Variants in SSBP3 observed in about 807,000 individuals in gnomAD.
SSBP3 encodes single-stranded DNA-binding protein 3.
In SSBP3, 5 loss-of-function variants were observed where a neutral mutation model predicts 69.6. The observed-to-expected ratio is 0.07, with a 90% CI of 0.04 to 0.15. The LOEUF (loss-of-function observed/expected upper bound fraction) is 0.15, where lower values mean the gene tolerates loss of function less well. SSBP3 is among the 10% of genes least tolerant of loss of function. The pLI, the probability that SSBP3 is intolerant of heterozygous loss-of-function variation, is 1.00. For missense variants in SSBP3, 312 were observed against 534.0 expected (o/e 0.58, Z 4.10); for synonymous variants, 196 against 193.4 (o/e 1.01, Z -0.11).
chr1:54,227,143 C>T (rs144624285), exon 18 of SSBP3: 13 of 1,570,448 alleles, frequency 8.3e-6, no homozygotes, highest in Middle Eastern at 1.8e-4. Flanking sequence ...ACACACTCAT[C>T]GTCATGCTTG....
chr1:54,320,620 C>G (rs1646194525), intron 4 of SSBP3, among the ~76,000 whole-genome samples: 1 of 152,112 alleles, frequency 6.6e-6, no homozygotes, highest in Non-Finnish European at 1.5e-5. Context: ...TGCTCGCCCA[C>G]CAGAAAAGTT....
intron 4 of SSBP3, among the ~76,000 whole-genome samples, chr1:54,347,289 C>T (rs895144749): frequency 5.9e-5 from 9 of 151,380 alleles, no homozygotes; most frequent in African/African-American, 2.2e-4. Context: ...TTTAAATCAT[C>T]TCTGGGTTAC....
chr1:54,406,233 C>T, exon 1 of SSBP3: 1 of 388,516 alleles, frequency 2.6e-6, no homozygotes, highest in Non-Finnish European at 4.5e-6. Flanking sequence ...GCCCCATCGC[C>T]CTGGAACTCC....
At chr1:54,231,897 T>C (rs946164255) in intron 14 of SSBP3, among the ~76,000 whole-genome samples, 5 of 152,086 alleles carry the variant, frequency 3.3e-5, no homozygotes, top group South Asian at 4.1e-4. Context: ...TTTCACCACA[T>C]TGGCCAAGCT....
intron 4 of SSBP3, among the ~76,000 whole-genome samples, chr1:54,369,084 A>G (rs1301909595): frequency 6.6e-6 from 1 of 152,220 alleles, no homozygotes; most frequent in African/African-American, 2.4e-5. Context: ...TCATTTAAAG[A>G]AAAGCTCTTT....
chr1:54,260,935 A>G (rs1338935674), intron 5 of SSBP3, among the ~76,000 whole-genome samples: 4 of 152,200 alleles, frequency 2.6e-5, no homozygotes, highest in African/African-American at 9.6e-5. Flanking sequence ...CCACCTCCTC[A>G]GGGCACAGAG....
intron 5 of SSBP3, among the ~76,000 whole-genome samples, chr1:54,276,920 C>A (rs1053460321): frequency 6.6e-6 from 1 of 152,158 alleles, no homozygotes. Context: ...TCCAGGAATG[C>A]CCTCCTGATT....
chr1:54,267,769 T>G (rs1451120476), intron 5 of SSBP3, among the ~76,000 whole-genome samples: 1 of 152,200 alleles, frequency 6.6e-6, no homozygotes, highest in Non-Finnish European at 1.5e-5. Flanking sequence ...ATTCTGTTCC[T>G]TTCCAAAGAT....
intron 4 of SSBP3, among the ~76,000 whole-genome samples, chr1:54,290,628 G>A (rs1645587449): frequency 6.6e-6 from 1 of 152,214 alleles, no homozygotes; most frequent in African/African-American, 2.4e-5. Context: ...CTGGGGACTG[G>A]ATCAAAGGTC....
chr1:54,253,478 C>CT (rs1484575007), intron 7 of SSBP3, among the ~76,000 whole-genome samples: 1 of 152,146 alleles, frequency 6.6e-6, no homozygotes, highest in Non-Finnish European at 1.5e-5. Flanking sequence ...AGGTGTGAGC[C>CT]TCCGCACCTG....
chr1:54,272,403 C>T (rs1212044791), intron 5 of SSBP3, among the ~76,000 whole-genome samples: 3 of 151,718 alleles, frequency 2.0e-5, no homozygotes, highest in South Asian at 2.1e-4. Context: ...CATGTCATGC[C>T]GAGGCGTGTT....
At chr1:54,281,560 C>T in intron 4 of SSBP3, 33 bp from the exon 5 acceptor site, 1 of 1,536,134 alleles carries the variant, frequency 6.5e-7, no homozygotes, top group Non-Finnish European at 8.8e-7. Context: ...AGTTAGTGGC[C>T]AAACCCACAA....
rs112705320 is a variant in SSBP3 at position 54,402,378 on chromosome 1, T to C, written c.192-433A>G. The stretch of plus-strand genomic sequence containing the variant: ...TTCCTTTTTACCACCCAAACCAAAA[T>C]GGCTGCATATCCTAAAAAAGGTTCA... On this transcript the variant is annotated intron_variant, in intron 3 of 17. Coordinates refer to ENST00000610401, the Ensembl canonical transcript of SSBP3. 2.0e-3 allele frequency among the ~76,000 whole-genome samples: 305 copies of C among 152,254 alleles called. 4 individuals carry two copies. The highest frequency in any genetic ancestry group is 6.8e-3 in the Middle Eastern group (2 of 294).
chr1:54,269,388 T>C (rs1252541921), intron 5 of SSBP3, among the ~76,000 whole-genome samples: 1 of 152,154 alleles, frequency 6.6e-6, no homozygotes, highest in Non-Finnish European at 1.5e-5. Context: ...TGGACTCTTA[T>C]ATCCACGCTC....
chr1:54,243,491 GCA>G (rs1235073739), intron 9 of SSBP3, among the ~76,000 whole-genome samples, 192 bp from the exon 10 acceptor site: 1 of 152,210 alleles, frequency 6.6e-6, no homozygotes, highest in African/African-American at 2.4e-5. Context: ...TGACAAGCCA[GCA>G]CAGAGGGACA....
At chr1:54,225,511 T>G in exon 18 of SSBP3, 3 of 1,046,844 alleles carry the variant, frequency 2.9e-6, no homozygotes, top group Non-Finnish European at 2.4e-6. Context: ...AATTACTTTT[T>G]TTTCCTCTCT....
chr1:54,394,564 C>T (rs948560073), intron 4 of SSBP3, among the ~76,000 whole-genome samples: 1 of 152,012 alleles, frequency 6.6e-6, no homozygotes, highest in African/African-American at 2.4e-5. Flanking sequence ...GTCTGGGGGC[C>T]GACTGATCAA....
chr1:54,229,252 G>A (rs1644341124), intron 14 of SSBP3, among the ~76,000 whole-genome samples: 1 of 152,274 alleles, frequency 6.6e-6, no homozygotes, highest in Non-Finnish European at 1.5e-5. Flanking sequence ...CACAGGTGAG[G>A]AAACAGAAGC....
At chr1:54,288,502 C>G (rs771071153) in intron 4 of SSBP3, among the ~76,000 whole-genome samples, 3 of 148,228 alleles carry the variant, frequency 2.0e-5, no homozygotes, top group African/African-American at 7.5e-5. Flanking sequence ...CAGCTCATGT[C>G]TGCCACCTGG....
Sources: allele counts gnomAD v4.1 joint callset (sites outside exome capture counted in the v4.1 genomes callset), GRCh38; gene constraint gnomAD v4.1.1; transcripts MANE v1.5; gene names NCBI Gene and HGNC (gene_info 2026-07-23, HGNC 2026-07-21).